DAB1: variants seen among roughly 807,000 people sequenced by gnomAD.
DAB1 encodes the protein disabled homolog 1.
A neutral mutation model predicts 64.6 loss-of-function variants in DAB1; 15 were observed. That is an observed-to-expected ratio of 0.23 (90% confidence interval 0.16 to 0.36). The LOEUF (loss-of-function observed/expected upper bound fraction) is 0.36, where lower values mean the gene tolerates loss of function less well. DAB1 is among the 10% of genes least tolerant of loss of function. The pLI, the probability that DAB1 is intolerant of heterozygous loss-of-function variation, is 1.00. For synonymous variants in DAB1, 235 were observed against 251.9 expected (o/e 0.93, Z 0.64); for missense variants, 596 against 706.7 (o/e 0.84, Z 1.78).
chr1:57,798,479 G>C (rs1031004955), intron 6 of DAB1, among the ~76,000 whole-genome samples: 40 of 152,312 alleles, frequency 2.6e-4, no homozygotes, highest in African/African-American at 9.1e-4. Context: ...GTCCAGAGGA[G>C]AGAGATGCAA....
At chr1:57,394,364 A>G (rs546294167) in intron 1 of DAB1, among the ~76,000 whole-genome samples, 1 of 152,358 alleles carries the variant, frequency 6.6e-6, no homozygotes, top group African/African-American at 2.4e-5. Context: ...CCAGGTACAA[A>G]AACAGCTTTT....
intron 4 of DAB1, among the ~76,000 whole-genome samples, chr1:58,313,118 C>T (rs928515910): frequency 1.3e-5 from 2 of 152,090 alleles, no homozygotes; most frequent in African/African-American, 2.4e-5. Context: ...CCAATACTGT[C>T]TCTTTAAATT....
chr1:57,074,244 C>T (rs894331972), intron 4 of DAB1, among the ~76,000 whole-genome samples: 1 of 152,146 alleles, frequency 6.6e-6, no homozygotes, highest in Non-Finnish European at 1.5e-5. Flanking sequence ...CTTACTGGCA[C>T]TTAGTTATGG....
At chr1:57,318,396 C>T (rs952771615) in intron 1 of DAB1, among the ~76,000 whole-genome samples, 1 of 152,092 alleles carries the variant, frequency 6.6e-6, no homozygotes, top group Non-Finnish European at 1.5e-5. Context: ...AACTTTATGC[C>T]CTTTAGATGC....
At chr1:57,485,094 T>C (rs1049520831) in intron 7 of DAB1, among the ~76,000 whole-genome samples, 5 of 152,210 alleles carry the variant, frequency 3.3e-5, no homozygotes, top group African/African-American at 1.2e-4. Context: ...CCTCAAGATC[T>C]ACAGGCTTAG....
intron 5 of DAB1, among the ~76,000 whole-genome samples, chr1:58,126,202 C>T (rs1173084726): frequency 1.3e-5 from 2 of 152,198 alleles, no homozygotes; most frequent in African/African-American, 2.4e-5. Context: ...GGCTGCCCTG[C>T]TGTACCCATT....
chr1:58,502,292 T>C (rs1645919472), intron 3 of DAB1, among the ~76,000 whole-genome samples: 1 of 152,250 alleles, frequency 6.6e-6, no homozygotes, highest in African/African-American at 2.4e-5. Context: ...TGATTTCCTA[T>C]GAATCTGATC....
At chr1:58,187,121 G>T (rs368302592) in intron 4 of DAB1, among the ~76,000 whole-genome samples, 3 of 152,124 alleles carry the variant, frequency 2.0e-5, no homozygotes, top group Admixed American at 6.5e-5. Context: ...GCTGTCCTGC[G>T]TCCCAAACAT....
At chr1:57,815,464 T>C (rs1029303483) in intron 6 of DAB1, among the ~76,000 whole-genome samples, 7 of 152,190 alleles carry the variant, frequency 4.6e-5, no homozygotes, top group Admixed American at 2.0e-4. Context: ...TCACCCATAG[T>C]AAGTACAGCT....
At chr1:57,001,261 C>T (rs901463887) in intron 14 of DAB1, among the ~76,000 whole-genome samples, 19 of 152,150 alleles carry the variant, frequency 1.2e-4, no homozygotes, top group African/African-American at 4.3e-4. Context: ...TAAATGGAAT[C>T]GCACATTAAC....
chr1:57,678,882 A>G (rs1646602428), intron 6 of DAB1, among the ~76,000 whole-genome samples: 1 of 149,724 alleles, frequency 6.7e-6, no homozygotes, highest in African/African-American at 2.5e-5. Context: ...TTCTCCTGCC[A>G]CAGCCTCCTG....
intron 6 of DAB1, among the ~76,000 whole-genome samples, chr1:57,738,423 C>G (rs1442586922): frequency 6.6e-6 from 1 of 152,174 alleles, no homozygotes; most frequent in East Asian, 1.9e-4. Context: ...ATTATTAACA[C>G]CATGATCTAA....
intron 3 of DAB1, among the ~76,000 whole-genome samples, chr1:58,356,398 T>A (rs1311139738): frequency 6.6e-6 from 1 of 152,180 alleles, no homozygotes; most frequent in Non-Finnish European, 1.5e-5. Context: ...AATATATACA[T>A]GCATACATAA....
intron 8 of DAB1, 35 bp downstream of exon 8, chr1:57,069,325 T>C (rs1651229569): frequency 6.6e-7 from 1 of 1,512,470 alleles, no homozygotes; most frequent in Non-Finnish European, 9.2e-7. Flanking sequence ...GTACTAGTAG[T>C]GGTGCAATGG....
At chr1:57,494,749 G>A (rs1279512409) in intron 7 of DAB1, among the ~76,000 whole-genome samples, 1 of 152,112 alleles carries the variant, frequency 6.6e-6, no homozygotes, top group Non-Finnish European at 1.5e-5. Context: ...ATATAATTAG[G>A]CTTGGCTAAT....
At chr1:57,406,973 A>T (rs945379799) in intron 1 of DAB1, among the ~76,000 whole-genome samples, 1 of 152,264 alleles carries the variant, frequency 6.6e-6, no homozygotes, top group Non-Finnish European at 1.5e-5. Context: ...CCTACAGAAC[A>T]TATCTCATAT....
intron 1 of DAB1, among the ~76,000 whole-genome samples, chr1:58,540,490 CAT>C (rs1433699719): frequency 2.6e-5 from 4 of 151,498 alleles, no homozygotes; most frequent in African/African-American, 7.3e-5. Flanking sequence ...CTATACTGCA[CAT>C]GTTTAAGAAG....
chr1:58,303,776 A>G (rs1008159158), intron 4 of DAB1, among the ~76,000 whole-genome samples: 3 of 152,212 alleles, frequency 2.0e-5, no homozygotes, highest in African/African-American at 7.2e-5. Context: ...TTGGCTAATA[A>G]TTTAATTACA....
At chr1:57,471,415 G>T (rs192955406) in intron 7 of DAB1, among the ~76,000 whole-genome samples, 25 of 152,250 alleles carry the variant, frequency 1.6e-4, no homozygotes, top group Non-Finnish European at 2.9e-4. Context: ...TCATAATTGT[G>T]GGATAATATT....
Sources: allele counts gnomAD v4.1 joint callset (sites outside exome capture counted in the v4.1 genomes callset), GRCh38; gene constraint gnomAD v4.1.1; transcripts MANE v1.5; gene names NCBI Gene and HGNC (gene_info 2026-07-23, HGNC 2026-07-21).